The following CDS2 variants were observed in gnomAD, a reference collection of about 807,000 sequenced individuals.
CDS2 encodes phosphatidate cytidylyltransferase 2.
CDS2 carries 47 observed loss-of-function variants against 59.0 expected under a neutral mutation model. The observed-to-expected ratio is 0.80, with a 90% CI of 0.63 to 1.02. The LOEUF (loss-of-function observed/expected upper bound fraction) is 1.02, where lower values mean the gene tolerates loss of function less well. CDS2 is among the 50% of genes least tolerant of loss of function. The pLI, the probability that CDS2 is intolerant of heterozygous loss-of-function variation, is 0.00. For synonymous variants in CDS2, 207 were observed against 206.4 expected (o/e 1.00, Z -0.02); for missense variants, 356 against 558.9 (o/e 0.64, Z 3.66).
intron 1 of CDS2, among the ~76,000 whole-genome samples, chr20:5,165,214 A>AC (rs140655209): frequency 0.061 from 9,216 of 151,892 alleles, 392 homozygotes; most frequent in Middle Eastern, 0.13. Flanking sequence ...TTTTTTGGAA[A>AC]CCCCCGTATT....
chr20:5,188,932 A>C (rs984524709), intron 10 of CDS2, 135 bp from the exon 11 acceptor site: 2 of 1,058,908 alleles, frequency 1.9e-6, no homozygotes, highest in Non-Finnish European at 2.8e-6. Flanking sequence ...TGCCCCTGTG[A>C]CCCAAACACC....
chr20:5,145,236 ACCC>A (rs796723724), intron 1 of CDS2, among the ~76,000 whole-genome samples: 1,334 of 52,008 alleles, frequency 0.026, 54 homozygotes, highest in African/African-American at 0.087. Context: ...GAAAGGAAAG[ACCC>A]CCCCCCCCGC....
intron 6 of CDS2, 21 bp from the exon 7 acceptor site, chr20:5,183,040 T>C: frequency 6.2e-7 from 1 of 1,606,512 alleles, no homozygotes; most frequent in Non-Finnish European, 8.5e-7. Context: ...TAAGTAGTGT[T>C]TATTTTTCTT....
At chr20:5,176,816 C>A in intron 4 of CDS2, 71 bp downstream of exon 4, 1 of 1,039,968 alleles carries the variant, frequency 9.6e-7, no homozygotes, top group Non-Finnish European at 1.5e-6. Flanking sequence ...CTTACAGTGA[C>A]GGTGGGTATT....
chr20:5,179,186 A>G (rs2091015583), intron 5 of CDS2, among the ~76,000 whole-genome samples: 1 of 145,322 alleles, frequency 6.9e-6, no homozygotes. Context: ...CAGTGGCACC[A>G]TCTCGGCTGA....
Position 5,195,807 on chromosome 20 carries a change from T to C in CDS2, c.*5573T>C, listed in dbSNP as rs1334922164. The stretch of plus-strand genomic sequence containing the variant: ...AAAGTAGTAACCGGGTAGAAGTGGG[T>C]GACCCATTGAGGACACATGATGTGA... On this transcript the variant is annotated 3_prime_UTR_variant, in exon 13 of 13. Transcript: ENST00000460006. The C allele has an allele frequency of 6.6e-6, 1 of 152,206 alleles. No homozygotes were observed. Among genetic ancestry groups the C allele is most frequent in the Non-Finnish European group, 1.5e-5 (1 of 68,060 alleles). The allele number at this position is 152,206 out of a possible 1,614,324, so 9.4% of individuals were successfully genotyped here.
intron 1 of CDS2, among the ~76,000 whole-genome samples, chr20:5,160,713 CT>C (rs917018632): frequency 2.6e-5 from 4 of 152,144 alleles, no homozygotes; most frequent in African/African-American, 9.7e-5. Flanking sequence ...CAACTCTCCC[CT>C]CTCACTCCCC....
Position 5,172,336 on chromosome 20 carries a change from G to C in CDS2, c.58-1187G>C, listed in dbSNP as rs535964479. ...TCGCCTGAGGTGAAGGTGGGGGTTAGAGCAGTCTGAGAGAACATATTAGTA... is the reference window on the plus strand; with the variant it reads ...TCGCCTGAGGTGAAGGTGGGGGTTACAGCAGTCTGAGAGAACATATTAGTA... On this transcript the variant is annotated intron_variant, in intron 1 of 12. Coordinates refer to ENST00000460006, the MANE Select transcript of CDS2 (RefSeq NM_003818.4). Among the ~76,000 whole-genome samples the C allele has an allele frequency of 5.7e-4, 87 of 152,308 alleles. 1 individual carries two copies. Among genetic ancestry groups the C allele is most frequent in the Admixed American group, 1.4e-3 (21 of 15,302 alleles).
intron 1 of CDS2, among the ~76,000 whole-genome samples, chr20:5,153,047 T>G (rs1366386188): frequency 6.6e-6 from 1 of 152,218 alleles, no homozygotes; most frequent in Non-Finnish European, 1.5e-5. Context: ...TTGTGTAGTT[T>G]AGTTTACAAT....
intron 1 of CDS2, 79 bp downstream of exon 1, chr20:5,127,228 C>A (rs192509073): frequency 2.4e-6 from 3 of 1,275,468 alleles, no homozygotes; most frequent in Admixed American, 3.0e-5. Flanking sequence ...GCAGAGGGGT[C>A]GTCTTGTTCT....
intron 1 of CDS2, among the ~76,000 whole-genome samples, chr20:5,143,407 C>T (rs138173703): frequency 2.6e-5 from 4 of 152,286 alleles, no homozygotes; most frequent in East Asian, 1.9e-4. Context: ...TATACACAGA[C>T]TTTGTGACCA....
In CDS2 at chr20:5,127,032, AG is replaced by A. The variant is rs2090557664; in HGVS notation, c.-60del. ...TGGGAGTCCGCGCGTGCCCGCGCCG[AG>A]CTGCCTGCTCCGGCGGCTTCGCTGC... On this transcript the variant is annotated 5_prime_UTR_variant, in exon 1 of 13. Transcript: ENST00000460006. 2.1e-6 allele frequency: 3 copies of A among 1,451,360 alleles called. No individual in the cohort carries two copies. The African/African-American group carries it at 4.5e-5, about 22-fold the overall frequency. 89.9% of individuals were successfully genotyped at this position (1,451,360 alleles called of 1,614,324 possible).
intron 1 of CDS2, among the ~76,000 whole-genome samples, chr20:5,164,437 G>A (rs918923337): frequency 2.0e-5 from 3 of 152,066 alleles, no homozygotes; most frequent in East Asian, 1.9e-4. Context: ...ACCAGATGGC[G>A]ATTTATGATT....
Position 5,192,822 on chromosome 20 carries a change from A to G in CDS2, c.*2588A>G, listed in dbSNP as rs1356643666. On this transcript the variant is annotated 3_prime_UTR_variant, in exon 13 of 13. Coordinates refer to ENST00000460006, the MANE Select transcript of CDS2 (RefSeq NM_003818.4). ...CCTACATTCTCACAACAGCCTTCTTACCTCGGGTGAGAGTCATGAGCACCT... is the reference window on the plus strand; with the variant it reads ...CCTACATTCTCACAACAGCCTTCTTGCCTCGGGTGAGAGTCATGAGCACCT... 6.6e-6 allele frequency: 1 copy of G among 152,226 alleles called. No individual in the cohort carries two copies. The highest frequency in any genetic ancestry group is 2.4e-5 in the African/African-American group (1 of 41,434). 9.4% of individuals were successfully genotyped at this position (152,226 alleles called of 1,614,324 possible). A position where few individuals can be genotyped will look rare whatever the true frequency, so the allele number is the denominator to read the frequency against.
intron 1 of CDS2, among the ~76,000 whole-genome samples, chr20:5,130,164 G>C (rs1260426230): frequency 6.6e-6 from 1 of 151,694 alleles, no homozygotes; most frequent in Non-Finnish European, 1.5e-5. Context: ...TAGTAGAGAC[G>C]AGGTTTCACC....
At chr20:5,146,302 T>G (rs1057513915) in intron 1 of CDS2, among the ~76,000 whole-genome samples, 2 of 152,214 alleles carry the variant, frequency 1.3e-5, no homozygotes, top group African/African-American at 4.8e-5. Flanking sequence ...GTGCTGACAA[T>G]GACCCTGGGA....
intron 1 of CDS2, among the ~76,000 whole-genome samples, chr20:5,148,707 A>G (rs1316545660): frequency 6.6e-6 from 1 of 152,212 alleles, no homozygotes; most frequent in African/African-American, 2.4e-5. Context: ...TCCCCCTACA[A>G]TGCGGTTTGC....
chr20:5,173,149 G>A (rs1365125708), intron 1 of CDS2, among the ~76,000 whole-genome samples: 1 of 152,254 alleles, frequency 6.6e-6, no homozygotes, highest in Admixed American at 6.5e-5. Flanking sequence ...GAGAGAGCCT[G>A]GTCAGTGCCA....
At position 5,176,817 on chromosome 20, in the gene CDS2, G is replaced by T; in HGVS notation, c.389+72G>T. On this transcript the variant is annotated intron_variant, in intron 4 of 12. Transcript: ENST00000460006. Reference sequence around the variant, plus strand: ...CTTTGTGGCAGGTACTTACAGTGACGGTGGGTATTTCTATCACTTGCTATA... The same window carrying T: ...CTTTGTGGCAGGTACTTACAGTGACTGTGGGTATTTCTATCACTTGCTATA... The T allele has an allele frequency of 5.8e-6, 6 of 1,035,598 alleles. No homozygotes were observed. The South Asian group carries it at 7.6e-5, about 13-fold the overall frequency. The allele number at this position is 1,035,598 out of a possible 1,614,324, so 64.2% of individuals were successfully genotyped here.
Sources: allele counts gnomAD v4.1 joint callset (sites outside exome capture counted in the v4.1 genomes callset), GRCh38; gene constraint gnomAD v4.1.1; transcripts MANE v1.5; gene names NCBI Gene and HGNC (gene_info 2026-07-23, HGNC 2026-07-21).